TRAPPC9: variants seen among roughly 807,000 people sequenced by gnomAD.
The protein encoded by TRAPPC9 is IKK2 binding protein.
TRAPPC9 carries 83 observed loss-of-function variants against 124.0 expected under a neutral mutation model. The ratio of observed to expected loss-of-function variants is 0.67; its 90% CI spans 0.56 to 0.80. The LOEUF is 0.80. TRAPPC9 is among the 30% of genes least tolerant of loss of function. The probability of loss-of-function intolerance (pLI) is 0.00; values close to 1 mark genes in which losing one functional copy is unlikely to be tolerated. For missense variants in TRAPPC9, 1,302 were observed against 1,508.3 expected, an observed-to-expected ratio of 0.86 and a Z score of 2.27; for synonymous variants, 638 against 617.5, an observed-to-expected ratio of 1.03 and a Z score of -0.49.
chr8:139,732,333 G>A (rs1817890999), intron 21 of TRAPPC9, 131 bp from the exon 22 acceptor site: 1 of 837,192 alleles, frequency 1.2e-6, no homozygotes, highest in Non-Finnish European at 1.8e-6. Context: ...TCCCTGCCAG[G>A]CTGGACACTG....
chr8:139,871,953 T>C (rs1026991147), intron 21 of TRAPPC9, among the ~76,000 whole-genome samples: 1 of 152,124 alleles, frequency 6.6e-6, no homozygotes, highest in Non-Finnish European at 1.5e-5. Flanking sequence ...GATGGGTAGA[T>C]AGGCTGGTGG....
At chr8:140,165,162 A>G (rs1587840697) in intron 17 of TRAPPC9, among the ~76,000 whole-genome samples, 1 of 152,140 alleles carries the variant, frequency 6.6e-6, no homozygotes, top group Non-Finnish European at 1.5e-5. Flanking sequence ...GTTCACCTGA[A>G]TGAAACCCCG....
chr8:139,786,406 C>T (rs80246256), intron 21 of TRAPPC9, among the ~76,000 whole-genome samples: 101 of 152,188 alleles, frequency 6.6e-4, no homozygotes, highest in Non-Finnish European at 1.3e-3. Context: ...TGACCGACCA[C>T]ATCAAGTGCG....
chr8:140,133,464 A>G (rs2061240876), intron 17 of TRAPPC9, among the ~76,000 whole-genome samples: 1 of 152,350 alleles, frequency 6.6e-6, no homozygotes, highest in South Asian at 2.1e-4. Context: ...ATCATACTCA[A>G]CAGAGAAAGA....
chr8:140,088,965 A>G (rs74756643), intron 17 of TRAPPC9, among the ~76,000 whole-genome samples: 3,383 of 152,306 alleles, frequency 0.022, 107 homozygotes, highest in African/African-American at 0.073. Context: ...TCTAACATTA[A>G]TAACGTCGAT....
chr8:139,794,049 C>G (rs1043537253), intron 21 of TRAPPC9, among the ~76,000 whole-genome samples: 2 of 152,130 alleles, frequency 1.3e-5, no homozygotes, highest in Admixed American at 1.3e-4. Context: ...GAGAGGCCTC[C>G]CCTGCTGACC....
chr8:139,739,178 G>A (rs1446557257), intron 21 of TRAPPC9, among the ~76,000 whole-genome samples: 1 of 151,956 alleles, frequency 6.6e-6, no homozygotes, highest in African/African-American at 2.4e-5. Flanking sequence ...GCCTTCCCCA[G>A]TAGAGTGGCT....
At chr8:140,176,434 G>A (rs1480382835) in intron 17 of TRAPPC9, among the ~76,000 whole-genome samples, 2 of 152,130 alleles carry the variant, frequency 1.3e-5, no homozygotes, top group Admixed American at 6.5e-5. Flanking sequence ...GCATTCTTTC[G>A]TGTCTTGCTT....
At chr8:139,878,775 G>C (rs1339900360) in intron 21 of TRAPPC9, among the ~76,000 whole-genome samples, 1 of 152,134 alleles carries the variant, frequency 6.6e-6, no homozygotes, top group Non-Finnish European at 1.5e-5. Context: ...GACCAGCCTG[G>C]GCAACATAGG....
intron 19 of TRAPPC9, among the ~76,000 whole-genome samples, chr8:139,911,084 G>T (rs1275834293): frequency 1.3e-5 from 2 of 152,056 alleles, no homozygotes; most frequent in East Asian, 1.9e-4. Flanking sequence ...ATCTTGAGTT[G>T]TACTCCCGCA....
chr8:139,731,296 C>A (rs1366906488), intron 22 of TRAPPC9, 68 bp from the exon 23 acceptor site: 6 of 1,577,530 alleles, frequency 3.8e-6, no homozygotes, highest in Non-Finnish European at 5.2e-6. Context: ...CACCAGGAAT[C>A]CTGGGAATCT....
intron 20 of TRAPPC9, among the ~76,000 whole-genome samples, chr8:139,899,770 C>T (rs574532803): frequency 6.6e-6 from 1 of 152,316 alleles, no homozygotes; most frequent in Admixed American, 6.5e-5. Context: ...GTAACCTACA[C>T]ACCAGCAAGA....
At chr8:139,739,565 C>A (rs1007204186) in intron 21 of TRAPPC9, among the ~76,000 whole-genome samples, 1 of 152,228 alleles carries the variant, frequency 6.6e-6, no homozygotes, top group African/African-American at 2.4e-5. Context: ...TCCTTCCTGT[C>A]CCAGAGCCTC....
intron 19 of TRAPPC9, among the ~76,000 whole-genome samples, chr8:139,987,267 G>A (rs868724682): frequency 2.0e-5 from 3 of 152,150 alleles, no homozygotes; most frequent in Admixed American, 1.3e-4. Flanking sequence ...AATAACTAGG[G>A]TTGAAATAGC....
At chr8:139,938,292 A>AT (rs966055757) in intron 19 of TRAPPC9, among the ~76,000 whole-genome samples, 79 of 149,836 alleles carry the variant, frequency 5.3e-4, no homozygotes, top group African/African-American at 1.5e-3. Flanking sequence ...GTCTATCTTT[A>AT]TTTTTTTTTT....
chr8:140,277,716 G>A (rs570895924), intron 14 of TRAPPC9, among the ~76,000 whole-genome samples: 1 of 152,330 alleles, frequency 6.6e-6, no homozygotes, highest in South Asian at 2.1e-4. Flanking sequence ...TAAAGAGATG[G>A]CAGCAGGGAC....
At chr8:139,797,027 C>T (rs1823148609) in intron 21 of TRAPPC9, among the ~76,000 whole-genome samples, 1 of 152,210 alleles carries the variant, frequency 6.6e-6, no homozygotes, top group Admixed American at 6.5e-5. Flanking sequence ...TTCGTGGCTG[C>T]TTGGCCATTT....
intron 17 of TRAPPC9, among the ~76,000 whole-genome samples, chr8:140,108,042 G>C (rs985424412): frequency 6.6e-6 from 1 of 150,464 alleles, no homozygotes; most frequent in Non-Finnish European, 1.5e-5. Context: ...TTTATACATA[G>C]ACAGGTTATC....
At chr8:139,739,821 G>A (rs1254191094) in intron 21 of TRAPPC9, among the ~76,000 whole-genome samples, 5 of 152,254 alleles carry the variant, frequency 3.3e-5, no homozygotes, top group African/African-American at 7.2e-5. Context: ...GCACTTGGCC[G>A]TCTCATTCAC....
Sources: allele counts gnomAD v4.1 joint callset (sites outside exome capture counted in the v4.1 genomes callset), GRCh38; gene constraint gnomAD v4.1.1; transcripts MANE v1.5; gene names NCBI Gene and HGNC (gene_info 2026-07-23, HGNC 2026-07-21).